Variants in BNC2 observed in about 807,000 individuals in gnomAD.
The protein encoded by BNC2 is zinc finger protein basonuclin-2.
BNC2 carries 20 observed loss-of-function variants against 76.3 expected under a neutral mutation model. That is an observed-to-expected ratio of 0.26 (90% CI 0.18 to 0.38). The LOEUF (loss-of-function observed/expected upper bound fraction) is 0.38. Ranked by LOEUF, BNC2 falls within the 10% of genes least tolerant of loss-of-function variation. The probability of loss-of-function intolerance (pLI) is 1.00; values close to 1 mark genes in which losing one functional copy is unlikely to be tolerated. For missense variants in BNC2, 1,382 were observed against 1,399.8 expected (o/e 0.99, Z 0.20); for synonymous variants, 582 against 514.8 (o/e 1.13, Z -1.77).
At chr9:16,666,303 G>C (rs1302341079) in intron 3 of BNC2, among the ~76,000 whole-genome samples, 2 of 152,032 alleles carry the variant, frequency 1.3e-5, no homozygotes, top group East Asian at 3.9e-4. Context: ...CTTCACTCTG[G>C]TAATGTTGGC....
chr9:16,430,048 C>G (rs1274923772), intron 6 of BNC2: 1 of 481,092 alleles, frequency 2.1e-6, no homozygotes, highest in Non-Finnish European at 4.2e-6. Context: ...TATCTTACTA[C>G]CAAAGTTTTG....
chr9:16,567,890 C>A (rs1819212849), intron 4 of BNC2, among the ~76,000 whole-genome samples: 1 of 152,158 alleles, frequency 6.6e-6, no homozygotes, highest in South Asian at 2.1e-4. Flanking sequence ...TTCAAAACCA[C>A]TTACTTTGTA....
At chr9:16,614,958 T>TTAAAAAAAAAAAA (rs1820655766) in intron 3 of BNC2, among the ~76,000 whole-genome samples, 2 of 62,520 alleles carry the variant, frequency 3.2e-5, no homozygotes, top group African/African-American at 1.3e-4. Context: ...TCTGTCTCTT[T>TTAAAAAAAAAAAA]AAAAAAAAAA....
rs181006393 is a variant in BNC2 at position 16,499,570 on chromosome 9, T to C, written c.669+52960A>G. ...TTTGAGACAGAGTCTCACTCTGTTGTCCAAGCTGGAGTGCAATGGCACAAT... is the reference window on the plus strand; with the variant it reads ...TTTGAGACAGAGTCTCACTCTGTTGCCCAAGCTGGAGTGCAATGGCACAAT... On this transcript the variant is annotated intron_variant, in intron 5 of 6. Transcript: ENST00000380672. 1.6e-3 allele frequency among the ~76,000 whole-genome samples: 238 copies of C among 147,586 alleles called. 1 individual carries two copies. Among genetic ancestry groups the C allele is most frequent in the African/African-American group, 5.6e-3 (221 of 39,684 alleles).
intron 3 of BNC2, among the ~76,000 whole-genome samples, chr9:16,605,217 G>A (rs893343516): frequency 1.3e-5 from 2 of 152,162 alleles, no homozygotes; most frequent in Admixed American, 1.3e-4. Context: ...AAGATTTCAT[G>A]TTTTCAAGTA....
intron 5 of BNC2, among the ~76,000 whole-genome samples, chr9:16,529,411 T>A (rs991653714): frequency 3.3e-5 from 5 of 152,192 alleles, no homozygotes; most frequent in Admixed American, 1.3e-4. Flanking sequence ...AGAAGTGTTA[T>A]CTCTACAAAA....
intron 2 of BNC2, among the ~76,000 whole-genome samples, chr9:16,737,916 A>T (rs1347991690): frequency 6.6e-6 from 1 of 151,944 alleles, no homozygotes; most frequent in Non-Finnish European, 1.5e-5. Context: ...CAGTGTGTAA[A>T]ATTTATCAGG....
At position 16,604,584 on chromosome 9, in the gene BNC2, G is replaced by A. The variant is rs1820328111; in HGVS notation, c.331-21499C>T. Among the ~76,000 whole-genome samples the A allele has an allele frequency of 3.3e-5, 5 of 152,082 alleles. No individual in the cohort carries two copies. In the South Asian group the frequency reaches 1.0e-3, roughly 31 times the overall value. ...CACTGAGCTGGGTGGATCACTTGAG[G>A]CCAGGAGTTTGAGACCAGCCTGGCC... On this transcript the variant is annotated intron_variant, in intron 3 of 6. Transcript: ENST00000380672.
At chr9:16,439,339 C>G (rs1821081492) in intron 5 of BNC2, among the ~76,000 whole-genome samples, 1 of 152,114 alleles carries the variant, frequency 6.6e-6, no homozygotes, top group Non-Finnish European at 1.5e-5. Context: ...GTAGATAGTA[C>G]TCTTCAAAGT....
intron 1 of BNC2, among the ~76,000 whole-genome samples, chr9:16,827,363 A>G (rs1297138943): frequency 6.6e-6 from 1 of 152,140 alleles, no homozygotes; most frequent in East Asian, 1.9e-4. Flanking sequence ...GAGAGCAGGT[A>G]CTCCAGAGCA....
Position 16,413,732 on chromosome 9 carries a change from T to C in BNC2, c.*5257A>G, listed in dbSNP as rs1820523914. ...TGGGACAGATCAAACATGACCTTAG[T>C]ACTAACGCAAACAAGACTACCACGT... On this transcript the variant is annotated 3_prime_UTR_variant, in exon 7 of 7. Transcript: ENST00000380672. 6.6e-6 allele frequency: 1 copy of C among 152,224 alleles called. No individual in the cohort carries two copies. The highest frequency in any genetic ancestry group is 1.9e-4 in the East Asian group (1 of 5,196). The allele number at this position is 152,224 out of a possible 1,614,324, so 9.4% of individuals were successfully genotyped here.
At chr9:16,438,617 C>G (rs1486308318) in intron 5 of BNC2, among the ~76,000 whole-genome samples, 3 of 152,116 alleles carry the variant, frequency 2.0e-5, no homozygotes, top group Non-Finnish European at 4.4e-5. Context: ...CATTTCTTCC[C>G]ATTGGGACAG....
At chr9:16,682,282 AAATT>A (rs1302517115) in intron 3 of BNC2, among the ~76,000 whole-genome samples, 3 of 105,206 alleles carry the variant, frequency 2.9e-5, no homozygotes, top group East Asian at 4.8e-4. Flanking sequence ...ACCCTATACA[AAATT>A]AATTAACTTC....
At chr9:16,634,661 C>T (rs1821267155) in intron 3 of BNC2, among the ~76,000 whole-genome samples, 1 of 152,078 alleles carries the variant, frequency 6.6e-6, no homozygotes, top group Non-Finnish European at 1.5e-5. Context: ...GCCACCACAC[C>T]TGGCTAATTT....
chr9:16,616,429 G>T (rs1820698655), intron 3 of BNC2, among the ~76,000 whole-genome samples: 1 of 151,862 alleles, frequency 6.6e-6, no homozygotes, highest in African/African-American at 2.4e-5. Context: ...AGACATGGTA[G>T]CTCACACCTG....
intron 3 of BNC2, among the ~76,000 whole-genome samples, chr9:16,612,203 A>C (rs1188710711): frequency 3.3e-5 from 5 of 152,164 alleles, no homozygotes; most frequent in Non-Finnish European, 7.4e-5. Flanking sequence ...GACTTCCAGA[A>C]ACCATGCAAT....
At chr9:16,868,735 G>C (rs555487256) in intron 1 of BNC2, among the ~76,000 whole-genome samples, 1 of 152,292 alleles carries the variant, frequency 6.6e-6, no homozygotes, top group Non-Finnish European at 1.5e-5. Flanking sequence ...AGACTGAACA[G>C]TTTACATGAA....
chr9:16,838,582 G>A (rs910867701), intron 1 of BNC2, among the ~76,000 whole-genome samples: 1 of 152,134 alleles, frequency 6.6e-6, no homozygotes, highest in Non-Finnish European at 1.5e-5. Flanking sequence ...AATGCGAGTT[G>A]TTACCTCAAA....
Position 16,844,956 on chromosome 9 carries a change from G to A in BNC2, c.3+25690C>T, listed in dbSNP as rs756450133. On this transcript the variant is annotated intron_variant, in intron 1 of 6. Coordinates refer to ENST00000380672, the MANE Select transcript of BNC2 (RefSeq NM_017637.6). ...TAGCAGGAGGCAGCCCCCCAGTTGA[G>A]TCATTTGTGACAAACAAAACATCGC... Among the ~76,000 whole-genome samples the A allele has an allele frequency of 5.3e-5, 8 of 152,158 alleles. No homozygotes were observed. In the East Asian group the frequency reaches 1.5e-3, roughly 29 times the overall value.
Sources: gnomAD v4.1 joint callset for allele counts (sites outside exome capture counted in the v4.1 genomes callset) on GRCh38, gnomAD v4.1.1 for gene constraint, MANE v1.5 for transcripts, NCBI Gene and HGNC (gene_info 2026-07-23, HGNC 2026-07-21) for gene names.